MARK1: variants seen among roughly 807,000 people sequenced by gnomAD.
MARK1 encodes serine/threonine-protein kinase MARK1.
MARK1 carries 40 observed loss-of-function variants against 96.3 expected under a neutral mutation model. The ratio of observed to expected loss-of-function variants is 0.42; its 90% CI spans 0.32 to 0.54. The LOEUF is 0.54. MARK1 is among the 20% of genes least tolerant of loss of function. MARK1 has a pLI of 0.16. For missense variants in MARK1, 719 were observed against 984.6 expected (o/e 0.73, Z 3.61); for synonymous variants, 317 against 341.2 (o/e 0.93, Z 0.78).
intron 1 of MARK1, among the ~76,000 whole-genome samples, chr1:220,536,148 C>T (rs1279643469): frequency 6.6e-6 from 1 of 151,790 alleles, no homozygotes; most frequent in African/African-American, 2.4e-5. Context: ...TCTAGCAGTT[C>T]TTTTTTTGGT....
chr1:220,557,647 A>T (rs1439683782), intron 1 of MARK1, among the ~76,000 whole-genome samples: 3 of 152,206 alleles, frequency 2.0e-5, no homozygotes, highest in Non-Finnish European at 4.4e-5. Context: ...TTACAAAAAA[A>T]ATATAGTTCA....
At chr1:220,655,058 C>T (rs990508105) in intron 16 of MARK1, among the ~76,000 whole-genome samples, 2 of 152,220 alleles carry the variant, frequency 1.3e-5, no homozygotes, top group Admixed American at 1.3e-4. Flanking sequence ...TTCCTGTGAG[C>T]AACTTACTAT....
chr1:220,582,752 C>T lies in MARK1; in HGVS notation c.309+1634C>T, dbSNP rs145846299. Reference sequence around the variant, plus strand: ...GCTTTCTTTATCTGAATAACTAAAACGTGTACTTGATGATGATAAGTAATT... The same window carrying T: ...GCTTTCTTTATCTGAATAACTAAAATGTGTACTTGATGATGATAAGTAATT... On this transcript the variant is annotated intron_variant, in intron 3 of 17. Transcript: ENST00000366917. Among the ~76,000 whole-genome samples the T allele has an allele frequency of 7.1e-3, 1,075 of 152,256 alleles. 17 individuals carry two copies. Among genetic ancestry groups the T allele is most frequent in the African/African-American group, 0.023 (936 of 41,550 alleles).
chr1:220,636,254 G>T (rs1667961400), intron 13 of MARK1, among the ~76,000 whole-genome samples: 1 of 152,080 alleles, frequency 6.6e-6, no homozygotes, highest in Non-Finnish European at 1.5e-5. Flanking sequence ...AATGGTACAT[G>T]AAACTTTCCT....
rs1664210444 is a variant in MARK1 at position 220,581,049 on chromosome 1, G to A, written c.256-16G>A. 8.4e-7 allele frequency: 1 copy of A among 1,188,566 alleles called. No homozygotes were observed. The highest frequency in any genetic ancestry group is 1.1e-6 in the Non-Finnish European group (1 of 887,038). 73.6% of individuals were successfully genotyped at this position (1,188,566 alleles called of 1,614,324 possible). On this transcript the variant is annotated splice_polypyrimidine_tract_variant and intron_variant, in intron 2 of 17. Coordinates refer to ENST00000366917, the MANE Select transcript of MARK1 (RefSeq NM_018650.5). ...ATGCATTTTTCAAATAGAGTTTAAT[G>A]ATTCTTCTTTTTTAGGTTGCTGTGA...
intron 6 of MARK1, among the ~76,000 whole-genome samples, chr1:220,610,879 G>A (rs952145929): frequency 6.6e-6 from 1 of 152,202 alleles, no homozygotes; most frequent in Admixed American, 6.5e-5. Context: ...GGTATCACCA[G>A]TGGAGGCTGC....
chr1:220,603,440 G>T (rs1288678804), intron 5 of MARK1, among the ~76,000 whole-genome samples: 2 of 152,120 alleles, frequency 1.3e-5, no homozygotes, highest in African/African-American at 2.4e-5. Context: ...CAGATATTAT[G>T]ATGATTTTCA....
chr1:220,615,991 TTAAGG>T lies in MARK1; in HGVS notation c.552+1_552+5del. The stretch of plus-strand genomic sequence containing the variant: ...CAAAAGTACATTGTTCACCGTGATC[TTAAGG>T]TAAGCTTCTGAGTGTAATTTTTTTA... On this transcript the variant is annotated splice_donor_variant and coding_sequence_variant, in exon 7 of 18. Coordinates refer to ENST00000366917, the MANE Select transcript of MARK1 (RefSeq NM_018650.5). LOFTEE classifies it high-confidence loss of function. The T allele has an allele frequency of 6.6e-7, 1 of 1,523,012 alleles. No individual in the cohort carries two copies. Among genetic ancestry groups the T allele is most frequent in the Non-Finnish European group, 9.0e-7 (1 of 1,107,764 alleles). 94.3% of individuals were successfully genotyped at this position (1,523,012 alleles called of 1,614,324 possible). A position where few individuals can be genotyped will look rare whatever the true frequency, so the allele number is the denominator to read the frequency against.
intron 1 of MARK1, among the ~76,000 whole-genome samples, chr1:220,544,580 GT>G (rs1661355754): frequency 6.6e-6 from 1 of 152,098 alleles, no homozygotes; most frequent in South Asian, 2.1e-4. Flanking sequence ...ATAAATTTTT[GT>G]TCATTATAAA....
intron 6 of MARK1, among the ~76,000 whole-genome samples, chr1:220,610,727 TG>T (rs375904218): frequency 0.015 from 2,354 of 152,254 alleles, 32 homozygotes; most frequent in Middle Eastern, 0.044. Flanking sequence ...GACCTACAGA[TG>T]GGGGTTTTTA....
At chr1:220,560,342 C>A (rs1662581547) in intron 1 of MARK1, among the ~76,000 whole-genome samples, 2 of 152,168 alleles carry the variant, frequency 1.3e-5, no homozygotes, top group Admixed American at 1.3e-4. Context: ...GCATGAATTT[C>A]TTTTTCCTCC....
chr1:220,619,700 T>TA (rs924350068), intron 9 of MARK1, among the ~76,000 whole-genome samples: 15 of 152,310 alleles, frequency 9.8e-5, no homozygotes, highest in African/African-American at 3.4e-4. Context: ...AAATGTCTAC[T>TA]ATTTTTTTTC....
intron 3 of MARK1, among the ~76,000 whole-genome samples, chr1:220,587,277 T>TTTCCTTCCTTCCTTCCTTCC (rs1012243945): frequency 6.6e-6 from 1 of 150,506 alleles, no homozygotes; most frequent in African/African-American, 2.4e-5. Context: ...TCCTTCCTTC[T>TTTCCTTCCTTCCTTCCTTCC]TTCCTTCCTT....
chr1:220,643,007 C>A (rs916751306), intron 13 of MARK1, among the ~76,000 whole-genome samples: 1 of 152,142 alleles, frequency 6.6e-6, no homozygotes, highest in Non-Finnish European at 1.5e-5. Flanking sequence ...GAAAAACCAA[C>A]AAGAAAATGC....
chr1:220,602,039 A>C (rs1031922745), intron 5 of MARK1, among the ~76,000 whole-genome samples: 2 of 152,192 alleles, frequency 1.3e-5, no homozygotes, highest in African/African-American at 4.8e-5. Flanking sequence ...CATAAATGGC[A>C]AGGTGACTCT....
At chr1:220,619,061 C>T (rs528664459) in intron 9 of MARK1, among the ~76,000 whole-genome samples, 13 of 152,188 alleles carry the variant, frequency 8.5e-5, no homozygotes, top group South Asian at 2.1e-4. Context: ...ATTGCTTTGT[C>T]GAAAACAGAA....
intron 17 of MARK1, among the ~76,000 whole-genome samples, chr1:220,661,483 G>T (rs986281902): frequency 3.9e-5 from 6 of 152,150 alleles, no homozygotes; most frequent in African/African-American, 1.4e-4. Flanking sequence ...TTCCTATTTT[G>T]TGTGTGTGCT....
At chr1:220,632,359 T>C in intron 11 of MARK1, 46 bp downstream of exon 11, 1 of 829,646 alleles carries the variant, frequency 1.2e-6, no homozygotes, top group Non-Finnish European at 1.9e-6. Context: ...TTTCTTGAGC[T>C]AATATATTAG....
chr1:220,606,430 T>C (rs1572164495), intron 6 of MARK1, among the ~76,000 whole-genome samples: 1 of 152,230 alleles, frequency 6.6e-6, no homozygotes, highest in East Asian at 1.9e-4. Context: ...ATTAGCCCTT[T>C]GTCAGATGGG....
Sources: gnomAD v4.1 joint callset for allele counts (sites outside exome capture counted in the v4.1 genomes callset) on GRCh38, gnomAD v4.1.1 for gene constraint, MANE v1.5 for transcripts, NCBI Gene and HGNC (gene_info 2026-07-23, HGNC 2026-07-21) for gene names.